The following PRKAB2 variants were observed in gnomAD, a reference collection of about 807,000 sequenced individuals.
PRKAB2 encodes protein kinase AMP-activated non-catalytic subunit beta 2, also known as 5'-AMP-activated protein kinase subunit beta-2.
A neutral mutation model predicts 29.8 loss-of-function variants in PRKAB2; 18 were observed. That is an observed-to-expected ratio of 0.60 (90% confidence interval 0.42 to 0.89). The LOEUF (loss-of-function observed/expected upper bound fraction) is 0.89, where lower values mean the gene tolerates loss of function less well. PRKAB2 is among the 40% of genes least tolerant of loss of function. The pLI, the probability that PRKAB2 is intolerant of heterozygous loss-of-function variation, is 0.00. For missense variants in PRKAB2, 270 were observed against 344.3 expected (o/e 0.78, Z 1.71); for synonymous variants, 136 against 125.9 (o/e 1.08, Z -0.54).
chr1:147,164,739 A>T (rs1344141732), intron 5 of PRKAB2, among the ~76,000 whole-genome samples: 3 of 152,242 alleles, frequency 2.0e-5, no homozygotes, highest in Non-Finnish European at 2.9e-5. Context: ...TTATCTGTAG[A>T]TTCCTAGTAA....
chr1:147,166,363 ATC>A lies in PRKAB2; in HGVS notation c.538+133_538+134del, dbSNP rs1230971457. The A allele has an allele frequency of 5.7e-6, 5 of 879,484 alleles. No homozygotes were observed. The Admixed American group carries it at 9.4e-5, about 17-fold the overall frequency. The allele number at this position is 879,484 out of a possible 1,614,324, so 54.5% of individuals were successfully genotyped here. A position where few individuals can be genotyped will look rare whatever the true frequency, so the allele number is the denominator to read the frequency against. ...AGACCTAAATGTTTACAGGAGAAAA[ATC>A]TCTGTCTCTCTCTCTCCTCCCCCCA... On this transcript the variant is annotated intron_variant, in intron 5 of 7. Transcript: ENST00000254101.
At position 147,157,957 on chromosome 1, in the gene PRKAB2, C is replaced by A. The variant is rs1473108540; in HGVS notation, c.*1608G>T. ...TCCAAGAGGTCTACAAGTCCAAAGA[C>A]AACTGTGTTATCAGCTTTGCATGGG... On this transcript the variant is annotated 3_prime_UTR_variant, in exon 8 of 8. Coordinates refer to ENST00000254101, the MANE Select transcript of PRKAB2 (RefSeq NM_005399.5). 3 of 152,192 alleles carry A rather than the reference C, an allele frequency of 2.0e-5. No individual in the cohort carries two copies. Among genetic ancestry groups the A allele is most frequent in the African/African-American group, 7.2e-5 (3 of 41,438 alleles). The allele number at this position is 152,192 out of a possible 1,614,324, so 9.4% of individuals were successfully genotyped here. A position where few individuals can be genotyped will look rare whatever the true frequency, so the allele number is the denominator to read the frequency against.
At position 147,157,796 on chromosome 1, in the gene PRKAB2, C is replaced by G. The variant is rs782527563; in HGVS notation, c.*1769G>C. ...GGTTGGGAACATAAAAGGTTCTCCA[C>G]AAAAGCCTTTTGCTGCAGAAGGTGG... is the stretch of plus-strand genomic sequence containing the variant. On this transcript the variant is annotated 3_prime_UTR_variant, in exon 8 of 8. Coordinates refer to ENST00000254101, the MANE Select transcript of PRKAB2 (RefSeq NM_005399.5). 1 of 143,938 alleles carries G rather than the reference C, an allele frequency of 6.9e-6. No individual in the cohort carries two copies. The highest frequency in any genetic ancestry group is 2.6e-5 in the African/African-American group (1 of 37,950). 8.9% of individuals were successfully genotyped at this position (143,938 alleles called of 1,614,324 possible).
chr1:147,159,694 A>G (rs1553912870), intron 7 of PRKAB2, 52 bp from the exon 8 acceptor site: 2 of 1,489,214 alleles, frequency 1.3e-6, no homozygotes, highest in African/African-American at 1.4e-5. Context: ...GACAGTAGGT[A>G]GCTCTTCCCA....
In PRKAB2 at chr1:147,157,125, C is replaced by G. The variant is rs1653712972; in HGVS notation, c.*2440G>C. 1 of 152,076 alleles carries G rather than the reference C, an allele frequency of 6.6e-6. No homozygotes were observed. Among genetic ancestry groups the G allele is most frequent in the African/African-American group, 2.4e-5 (1 of 41,392 alleles). 9.4% of individuals were successfully genotyped at this position (152,076 alleles called of 1,614,324 possible). On this transcript the variant is annotated 3_prime_UTR_variant, in exon 8 of 8. Transcript: ENST00000254101. ...TCAAAATCTGTCAAACTCTCCTCAG[C>G]ATTAAATTAATTATCCCTTTAACTA... is the stretch of plus-strand genomic sequence containing the variant.
chr1:147,164,324 G>A (rs781784557), intron 5 of PRKAB2, among the ~76,000 whole-genome samples: 2 of 152,160 alleles, frequency 1.3e-5, no homozygotes, highest in Non-Finnish European at 2.9e-5. Flanking sequence ...TAGAAGAAAG[G>A]ATTTTGAATG....
At chr1:147,164,766 G>C (rs138749770) in intron 5 of PRKAB2, among the ~76,000 whole-genome samples, 1 of 152,128 alleles carries the variant, frequency 6.6e-6, no homozygotes. Flanking sequence ...GATTATAAGC[G>C]TTACCTCAAT....
At chr1:147,163,938 T>TA (rs1654104488) in intron 5 of PRKAB2, among the ~76,000 whole-genome samples, 1 of 152,216 alleles carries the variant, frequency 6.6e-6, no homozygotes, top group South Asian at 2.1e-4. Context: ...ATTTAAATGT[T>TA]ATTGTTTCTT....
intron 5 of PRKAB2, 67 bp downstream of exon 5, chr1:147,166,430 CA>C: frequency 1.9e-6 from 3 of 1,539,112 alleles, no homozygotes; most frequent in Non-Finnish European, 2.7e-6. Context: ...TATATACACA[CA>C]TAAACAACTT....
intron 2 of PRKAB2, among the ~76,000 whole-genome samples, chr1:147,168,607 G>A (rs1559612836): frequency 6.6e-6 from 1 of 152,198 alleles, no homozygotes; most frequent in Non-Finnish European, 1.5e-5. Context: ...CAAGAAGCAA[G>A]AGATCAAAAA....
At chr1:147,165,610 A>G (rs1489685401) in intron 5 of PRKAB2, among the ~76,000 whole-genome samples, 4 of 152,228 alleles carry the variant, frequency 2.6e-5, no homozygotes, top group Non-Finnish European at 5.9e-5. Flanking sequence ...AATGGTAACT[A>G]CAAGTGTGGT....
intron 1 of PRKAB2, 95 bp from the exon 2 acceptor site, chr1:147,172,262 G>T: frequency 1.5e-6 from 2 of 1,345,848 alleles, no homozygotes; most frequent in South Asian, 3.1e-5. Flanking sequence ...CAGGGCAAGG[G>T]ATTCCCCGCC....
intron 5 of PRKAB2, among the ~76,000 whole-genome samples, chr1:147,163,853 C>CA (rs1245229620): frequency 6.6e-6 from 1 of 150,382 alleles, no homozygotes; most frequent in African/African-American, 2.4e-5. Flanking sequence ...AATTACATCT[C>CA]AAAAAAATGA....
rs587655289 is a variant in PRKAB2 at position 147,156,853 on chromosome 1, A to G, written c.*2712T>C. 7 of 152,134 alleles carry G rather than the reference A, an allele frequency of 4.6e-5. No homozygotes were observed. Among genetic ancestry groups the G allele is most frequent in the Non-Finnish European group, 8.8e-5 (6 of 68,018 alleles). 9.4% of individuals were successfully genotyped at this position (152,134 alleles called of 1,614,324 possible). A position where few individuals can be genotyped will look rare whatever the true frequency, so the allele number is the denominator to read the frequency against. On this transcript the variant is annotated 3_prime_UTR_variant, in exon 8 of 8. Coordinates refer to ENST00000254101, the MANE Select transcript of PRKAB2 (RefSeq NM_005399.5). ...TACAGTGAGATCCAAGGACACCACC[A>G]TGTGGTGTCTGATTTAATTTCTTTT...
chr1:147,172,022 G>A lies in PRKAB2; in HGVS notation c.123C>T (p.Asp41=), dbSNP rs782571384. The stretch of plus-strand genomic sequence containing the variant: ...CAGGGAGGCTGAACACGCTGGGGTC[G>A]TCCGTACTCCCCACCATGATCTTGT... The part of the protein sequence containing the change: ...KEHKIMVGST[D]DPSVFSLPDS... Residue 41 remains aspartate (D), a synonymous_variant, in exon 2 of 8, where the codon GAC becomes GAT. Transcript: ENST00000254101. 1 of 1,598,552 alleles carries A rather than the reference G, an allele frequency of 6.3e-7. No individual in the cohort carries two copies. The highest frequency in any genetic ancestry group is 1.7e-5 in the Admixed American group (1 of 58,540).
In PRKAB2 at chr1:147,166,937, T is replaced by C. The variant is rs782636288; in HGVS notation, c.326A>G (p.His109Arg). The C allele has an allele frequency of 4.3e-6, 7 of 1,612,954 alleles. No individual in the cohort carries two copies. In the Admixed American group the frequency reaches 6.7e-5, roughly 15 times the overall value. ...WSTKIPLIKSHNDFVAILDLP... is the reference protein window; with the variant it reads ...WSTKIPLIKSRNDFVAILDLP... The stretch of plus-strand genomic sequence containing the variant: ...GTCCAGGATGGCAACAAAGTCATTA[T>C]GGCTACAGAAGAAAAAAGAAAGGCA... Residue 109 changes from histidine to arginine, a missense_variant and splice_region_variant, in exon 4 of 8, where the codon CAT (histidine) becomes CGT (arginine). By Grantham distance (29) the His-to-Arg change is conservative. This residue lies in a region of PRKAB2 where 228 missense variants were observed against 255.5 expected (regional missense o/e 0.89). Coordinates refer to ENST00000254101, the MANE Select transcript of PRKAB2 (RefSeq NM_005399.5).
At chr1:147,161,467 A>G (rs1452477081) in intron 7 of PRKAB2, among the ~76,000 whole-genome samples, 2 of 152,184 alleles carry the variant, frequency 1.3e-5, no homozygotes, top group Non-Finnish European at 2.9e-5. Context: ...GATTCTAGTC[A>G]CCCAAAAAAT....
chr1:147,167,639 C>T (rs1286395724), intron 3 of PRKAB2, 128 bp downstream of exon 3: 20 of 1,100,154 alleles, frequency 1.8e-5, no homozygotes, highest in East Asian at 1.0e-4. Context: ...ACTAAGTGGC[C>T]GCAGAAAAGG....
intron 5 of PRKAB2, among the ~76,000 whole-genome samples, 187 bp from the exon 6 acceptor site, chr1:147,162,760 T>C (rs2101619755): frequency 6.6e-6 from 1 of 152,192 alleles, no homozygotes; most frequent in South Asian, 2.1e-4. Context: ...ACATAAACCA[T>C]GAAGCTCCTC....
Sources: gnomAD v4.1 joint callset for allele counts (sites outside exome capture counted in the v4.1 genomes callset) on GRCh38, gnomAD v4.1.1 for gene constraint, gnomAD v4.1.1 regional missense constraint, MANE v1.5 for transcripts, NCBI Gene and HGNC (gene_info 2026-07-23, HGNC 2026-07-21) for gene names.